IFT25: variants seen among roughly 807,000 people sequenced by gnomAD.
The protein encoded by IFT25 is intraflagellar transport protein 25 homolog.
At chr1:53,945,399 A>ACCTCCCGCCGCGGCCCTTCCACG in the IFT25 span, among the ~76,000 whole-genome samples, 1 of 151,394 alleles carries the variant, frequency 6.6e-6, no homozygotes, top group African/African-American at 2.4e-5. Context: ...CCCGCGTCAG[A>ACCTCCCGCCGCGGCCCTTCCACG]CCTCCCGCCG....
At chr1:53,918,875 G>A in the IFT25 span, among the ~76,000 whole-genome samples, 183 of 152,172 alleles carry the variant, frequency 1.2e-3, 2 homozygotes, top group Non-Finnish European at 1.1e-3. Flanking sequence ...TTTCACTCTT[G>A]TTGTCCAGGC....
the IFT25 span, chr1:53,923,997 A>G: frequency 8.7e-7 from 1 of 1,151,224 alleles, no homozygotes; most frequent in Non-Finnish European, 1.3e-6. Context: ...AAAATACATG[A>G]GAATAGCTAT....
the IFT25 span, among the ~76,000 whole-genome samples, chr1:53,932,333 C>CAA: frequency 0.021 from 2,725 of 131,028 alleles, 58 homozygotes; most frequent in African/African-American, 0.051. Flanking sequence ...AACTCCATCT[C>CAA]AAAAAAAAAA....
chr1:53,929,699 G>A, the IFT25 span: 1 of 179,210 alleles, frequency 5.6e-6, no homozygotes, highest in African/African-American at 2.4e-5. Context: ...TCATGGAATA[G>A]TGTTCTAGCA....
chr1:53,932,066 C>G, the IFT25 span, among the ~76,000 whole-genome samples: 1 of 152,118 alleles, frequency 6.6e-6, no homozygotes, highest in South Asian at 2.1e-4. Flanking sequence ...GAAATACTTT[C>G]TAAGGCCAGG....
the IFT25 span, chr1:53,921,591 A>C: frequency 1.1e-6 from 1 of 910,750 alleles, no homozygotes; most frequent in Non-Finnish European, 1.8e-6. Context: ...AAAGTATATC[A>C]GTGACAACTT....
chr1:53,942,706 A>G, the IFT25 span, among the ~76,000 whole-genome samples: 1 of 152,238 alleles, frequency 6.6e-6, no homozygotes, highest in Non-Finnish European at 1.5e-5. Context: ...ACATTCCATC[A>G]ACATTTTTGA....
chr1:53,926,850 G>A, the IFT25 span, among the ~76,000 whole-genome samples: 1 of 151,784 alleles, frequency 6.6e-6, no homozygotes, highest in African/African-American at 2.4e-5. Flanking sequence ...AGCCTCCCAA[G>A]TAGCTACGAT....
At chr1:53,935,993 G>A in the IFT25 span, among the ~76,000 whole-genome samples, 1 of 151,970 alleles carries the variant, frequency 6.6e-6, no homozygotes, top group African/African-American at 2.4e-5. Context: ...CGGGCGCGGT[G>A]GCTCATGCCT....
At chr1:53,916,318 G>A in the IFT25 span, among the ~76,000 whole-genome samples, 4 of 152,132 alleles carry the variant, frequency 2.6e-5, no homozygotes, top group African/African-American at 9.7e-5. Context: ...GTTTTTTAAA[G>A]CCTAGAAAAA....
the IFT25 span, among the ~76,000 whole-genome samples, chr1:53,934,122 A>G: frequency 6.6e-6 from 1 of 152,162 alleles, no homozygotes; most frequent in Non-Finnish European, 1.5e-5. Flanking sequence ...ATTTCTTCTT[A>G]TAGGTTTGAT....
At chr1:53,940,421 T>C in the IFT25 span, among the ~76,000 whole-genome samples, 2,271 of 152,188 alleles carry the variant, frequency 0.015, 70 homozygotes, top group African/African-American at 0.051. Flanking sequence ...CTCGATTAAT[T>C]TGAAAGAAGG....
At chr1:53,943,170 T>C in the IFT25 span, among the ~76,000 whole-genome samples, 3 of 152,304 alleles carry the variant, frequency 2.0e-5, no homozygotes, top group Non-Finnish European at 2.9e-5. Context: ...TCGTTCAAAG[T>C]AAAGATTTTA....
chr1:53,935,602 A>ACC, the IFT25 span, among the ~76,000 whole-genome samples: 301 of 150,938 alleles, frequency 2.0e-3, 2 homozygotes, highest in African/African-American at 7.1e-3. Flanking sequence ...TAAAGTTGTT[A>ACC]CCCACCCCCA....
the IFT25 span, among the ~76,000 whole-genome samples, chr1:53,918,609 T>C: frequency 1.3e-5 from 2 of 152,256 alleles, no homozygotes; most frequent in South Asian, 2.1e-4. Context: ...GCTGTATTAC[T>C]GGCTACTAGT....
the IFT25 span, chr1:53,928,466 A>T: frequency 1.3e-6 from 2 of 1,539,544 alleles, no homozygotes; most frequent in Non-Finnish European, 1.8e-6. Context: ...AAGTAAGTAA[A>T]GTGTTAATCT....
the IFT25 span, among the ~76,000 whole-genome samples, chr1:53,926,142 CTAAA>C: frequency 6.6e-6 from 1 of 150,978 alleles, no homozygotes; most frequent in South Asian, 2.1e-4. Flanking sequence ...CATTTCATCT[CTAAA>C]TACTTTTTTG....
At chr1:53,935,781 C>A in the IFT25 span, among the ~76,000 whole-genome samples, 1 of 152,030 alleles carries the variant, frequency 6.6e-6, no homozygotes, top group Admixed American at 6.5e-5. Flanking sequence ...CCAAGGCCAG[C>A]TCTCCTAACT....
the IFT25 span, chr1:53,940,085 TA>T: frequency 6.5e-7 from 1 of 1,545,062 alleles, no homozygotes; most frequent in African/African-American, 1.4e-5. Context: ...TTTCTCATCT[TA>T]AAGTGTTTAA....
Sources: allele counts gnomAD v4.1 joint callset (sites outside exome capture counted in the v4.1 genomes callset), GRCh38; gene constraint gnomAD v4.1.1; transcripts MANE v1.5; gene names NCBI Gene and HGNC (gene_info 2026-07-23, HGNC 2026-07-21).